The following OFD1 variants were observed in gnomAD, a reference collection of about 807,000 sequenced individuals.
OFD1 encodes OFD1 centriole and centriolar satellite protein.
Under a neutral mutation model 81.4 loss-of-function variants are expected in OFD1, and 12 were observed. The observed-to-expected ratio is 0.15, with a 90% CI of 0.09 to 0.24. The LOEUF (loss-of-function observed/expected upper bound fraction) is 0.24, where lower values mean the gene tolerates loss of function less well. Ranked by LOEUF, OFD1 falls within the 10% of genes least tolerant of loss-of-function variation. The pLI is 1.00. For missense variants in OFD1, 685 were observed against 733.9 expected (o/e 0.93, Z 0.77); for synonymous variants, 256 against 263.7 (o/e 0.97, Z 0.28).
intron 5 of OFD1, among the ~76,000 whole-genome samples, chrX:13,742,542 G>A (rs1479635080): frequency 9.0e-6 from 1 of 111,715 alleles, no homozygotes; most frequent in African/African-American, 3.3e-5. Context: ...TTTTGTTTTT[G>A]AGACGGAGTT....
At chrX:13,727,434 G>T in the OFD1 span, among the ~76,000 whole-genome samples, 1 of 112,330 alleles carries the variant, frequency 8.9e-6, no homozygotes, top group African/African-American at 3.2e-5. Context: ...TAGAACTCAG[G>T]ATTTAAAAAC....
rs775379066 is a variant in OFD1, at chrX:13,741,743, G to A, written c.413-2672G>A. On this transcript the variant is annotated intron_variant, in intron 5 of 22. Coordinates refer to ENST00000340096, the MANE Select transcript of OFD1 (RefSeq NM_003611.3). The stretch of plus-strand genomic sequence containing the variant: ...CAGTGGAAAGTTACAGTTAAAGGTG[G>A]TTATTTATTGTTAGCAGGGGAGGGG... Among the ~76,000 whole-genome samples the A allele has an allele frequency of 3.6e-5, 4 of 111,755 alleles. No individual in the cohort carries two copies. In the East Asian group the frequency reaches 1.1e-3, roughly 31 times the overall value.
At chrX:13,755,946 CTT>C (rs34300430) in intron 12 of OFD1, among the ~76,000 whole-genome samples, 12 of 65,087 alleles carry the variant, frequency 1.8e-4, no homozygotes, top group South Asian at 1.0e-3. Context: ...CTTTCTTTCC[CTT>C]TTTTTTTTTT....
chrX:13,751,484 A>AAAC (rs1275871712), intron 10 of OFD1, 116 bp downstream of exon 10: 25 of 605,054 alleles, frequency 4.1e-5, no homozygotes. Context: ...GAAAAAAAAA[A>AAAC]AACATAGTTT....
chrX:13,768,529 T>G (rs1378863789), intron 21 of OFD1, among the ~76,000 whole-genome samples, 189 bp from the exon 22 acceptor site: 1 of 112,444 alleles, frequency 8.9e-6, no homozygotes, highest in Non-Finnish European at 1.9e-5. Flanking sequence ...TATGTAAGTC[T>G]GAAGTATTAT....
At position 13,762,464 on chromosome X, in the gene OFD1, C is replaced by G; in HGVS notation, c.2488+20C>G. The stretch of plus-strand genomic sequence containing the variant: ...TTGAATGTAAGTTCAAATATAAATA[C>G]CAGTTTTTATATGTTGAAAATCTAG... On this transcript the variant is annotated intron_variant, in intron 18 of 22. Coordinates refer to ENST00000340096, the MANE Select transcript of OFD1 (RefSeq NM_003611.3). 1.0e-6 allele frequency: 1 copy of G among 974,390 alleles called. No individual in the cohort carries two copies. Among genetic ancestry groups the G allele is most frequent in the Non-Finnish European group, 1.5e-6 (1 of 680,317 alleles). 80.3% of individuals were successfully genotyped at this position (974,390 alleles called of 1,213,427 possible).
chrX:13,734,621 G>C, upstream of OFD1: 1 of 813,328 alleles, frequency 1.2e-6, no homozygotes, highest in Non-Finnish European at 1.5e-6. Context: ...CAGTTCTCGC[G>C]ATACCCTGGG....
intron 5 of OFD1, among the ~76,000 whole-genome samples, chrX:13,743,340 TA>T (rs1412876938): frequency 8.9e-6 from 1 of 112,753 alleles, no homozygotes; most frequent in East Asian, 2.8e-4. Context: ...CAGTATAGAC[TA>T]ATTATTTTTA....
chrX:13,740,914 G>A (rs1024972549), intron 5 of OFD1, among the ~76,000 whole-genome samples: 6 of 110,159 alleles, frequency 5.4e-5, no homozygotes, highest in East Asian at 2.8e-4. Context: ...TGAGGCGGGC[G>A]GATCACGAGG....
chrX:13,716,734 C>G, the OFD1 span: 2 of 1,153,424 alleles, frequency 1.7e-6, no homozygotes, highest in Non-Finnish European at 2.4e-6. Flanking sequence ...ATCGAGAATG[C>G]TGACATTTCA....
At chrX:13,759,083 T>G (rs1199017755) in intron 15 of OFD1, among the ~76,000 whole-genome samples, 1 of 111,856 alleles carries the variant, frequency 8.9e-6, no homozygotes, top group Admixed American at 9.4e-5. Context: ...TGGATGCATC[T>G]CTGCCCCTTC....
intron 3 of OFD1, among the ~76,000 whole-genome samples, chrX:13,737,959 C>T (rs774321304): frequency 1.3e-4 from 15 of 111,157 alleles, no homozygotes; most frequent in Non-Finnish European, 2.8e-4. Context: ...AAGCAATTCT[C>T]CTGCCTCAGC....
In OFD1 at chrX:13,769,100, T is replaced by C. The variant is rs1379171470; in HGVS notation, c.3031T>C (p.Ser1011Pro). 1 of 1,194,623 alleles carries C rather than the reference T, an allele frequency of 8.4e-7. No homozygotes were observed. Among genetic ancestry groups the C allele is most frequent in the Non-Finnish European group, 1.1e-6 (1 of 879,571 alleles). Reference sequence around the variant, plus strand: ...CTTTTCTCATGAAGAACTAGACGACTCTTGGTAACCATGTTTGCTGCCCAG... The same window carrying C: ...CTTTTCTCATGAAGAACTAGACGACCCTTGGTAACCATGTTTGCTGCCCAG... ...TGFSHEELDDSW is the reference protein window; with the variant it reads ...TGFSHEELDDPW Residue 1011 changes from serine (S) to proline (P), a missense_variant, in exon 23 of 23, where the codon TCT becomes CCT. Physicochemically the swap from Ser to Pro is moderately conservative, Grantham distance 74 (BLOSUM62 -1). Around this residue, in one of 3 missense-constraint regions of OFD1, gnomAD observed 259 missense variants for 254.4 expected, o/e 1.02. Coordinates refer to ENST00000340096, the MANE Select transcript of OFD1 (RefSeq NM_003611.3).
chrX:13,723,582 T>G, the OFD1 span, among the ~76,000 whole-genome samples: 5 of 112,138 alleles, frequency 4.5e-5, no homozygotes, highest in South Asian at 3.6e-4. Flanking sequence ...CTGCCATTAC[T>G]GAATTACCTG....
the OFD1 span, among the ~76,000 whole-genome samples, chrX:13,717,527 A>C: frequency 9.0e-6 from 1 of 111,239 alleles, no homozygotes; most frequent in Non-Finnish European, 1.9e-5. Flanking sequence ...GGATCACCTG[A>C]GGTCAGGAGT....
intron 1 of OFD1, 51 bp from the exon 2 acceptor site, chrX:13,735,197 G>A (rs374117344): frequency 1.7e-6 from 2 of 1,195,202 alleles, no homozygotes; most frequent in African/African-American, 3.5e-5. Context: ...GTTTTCAGAC[G>A]TTCACGTTCC....
chrX:13,741,138 C>CAA (rs35393754), intron 5 of OFD1, among the ~76,000 whole-genome samples: 2,565 of 97,483 alleles, frequency 0.026, 90 homozygotes, highest in African/African-American at 0.087. Flanking sequence ...GACTCCGTCT[C>CAA]AAAAAAAAAA....
the OFD1 span, among the ~76,000 whole-genome samples, chrX:13,726,886 G>C: frequency 1.8e-5 from 2 of 111,816 alleles, no homozygotes; most frequent in Non-Finnish European, 3.8e-5. Context: ...GACACACATA[G>C]GCTCAAAATA....
At chrX:13,768,677 A>G in intron 21 of OFD1, 41 bp from the exon 22 acceptor site, 1 of 997,868 alleles carries the variant, frequency 1.0e-6, no homozygotes, top group Non-Finnish European at 1.4e-6. Flanking sequence ...AAATTAATGC[A>G]TATCTAATTT....
Sources: allele counts gnomAD v4.1 joint callset (sites outside exome capture counted in the v4.1 genomes callset), GRCh38; gene constraint gnomAD v4.1.1; regional missense constraint gnomAD v4.1.1; transcripts MANE v1.5; gene names NCBI Gene and HGNC (gene_info 2026-07-23, HGNC 2026-07-21).